Variants in SLC4A8 observed in about 807,000 individuals in gnomAD.
The protein encoded by SLC4A8 is solute carrier family 4 member 8.
SLC4A8 carries 40 observed loss-of-function variants against 125.0 expected under a neutral mutation model. That is an observed-to-expected ratio of 0.32 (90% CI 0.25 to 0.42). The LOEUF is 0.42. Among genes scored for constraint, SLC4A8 ranks in the 10% least tolerant of loss-of-function variants. The probability of loss-of-function intolerance (pLI) is 1.00; values close to 1 mark genes in which losing one functional copy is unlikely to be tolerated. For synonymous variants in SLC4A8, 456 were observed against 476.0 expected (o/e 0.96, Z 0.55); for missense variants, 863 against 1,355.1 (o/e 0.64, Z 5.70).
At chr12:51,394,822 TAC>T (rs1240655314) in intron 1 of SLC4A8, among the ~76,000 whole-genome samples, 1 of 152,188 alleles carries the variant, frequency 6.6e-6, no homozygotes, top group Non-Finnish European at 1.5e-5. Context: ...CCTGGACATG[TAC>T]TCCTGAACCT....
chr12:51,506,386 T>C (rs1023246515), intron 24 of SLC4A8, among the ~76,000 whole-genome samples: 10 of 152,150 alleles, frequency 6.6e-5, no homozygotes, highest in Admixed American at 5.2e-4. Flanking sequence ...TTTTGAAATA[T>C]TAAATTGTAA....
At chr12:51,401,423 T>C (rs1948389548) in intron 1 of SLC4A8, among the ~76,000 whole-genome samples, 1 of 152,200 alleles carries the variant, frequency 6.6e-6, no homozygotes, top group South Asian at 2.1e-4. Flanking sequence ...GGTTTTCCCC[T>C]GAGTTGGGCC....
intron 2 of SLC4A8, among the ~76,000 whole-genome samples, chr12:51,446,211 C>T (rs1178067947): frequency 6.6e-6 from 1 of 152,078 alleles, no homozygotes; most frequent in Non-Finnish European, 1.5e-5. Context: ...GTTCAGAGAT[C>T]TGCCTGTTAA....
chr12:51,416,211 GTTTTTTT>G (rs57565585), intron 1 of SLC4A8, among the ~76,000 whole-genome samples: 2 of 82,534 alleles, frequency 2.4e-5, no homozygotes, highest in Admixed American at 1.4e-4. Context: ...GAGGTCTTTT[GTTTTTTT>G]TTTTTTTTTT....
chr12:51,442,169 C>T (rs991684260), intron 2 of SLC4A8, among the ~76,000 whole-genome samples: 3 of 152,114 alleles, frequency 2.0e-5, no homozygotes, highest in Non-Finnish European at 1.5e-5. Context: ...GGGAGAGAAT[C>T]CTGCTCTTTT....
intron 1 of SLC4A8, 150 bp downstream of exon 1, chr12:51,425,185 C>T (rs1164372938): frequency 1.4e-6 from 2 of 1,423,176 alleles, no homozygotes; most frequent in African/African-American, 1.5e-5. Context: ...CCAGGGGGCG[C>T]TCCGGGCGGT....
chr12:51,398,945 C>T (rs920089074), intron 1 of SLC4A8, among the ~76,000 whole-genome samples: 10 of 152,272 alleles, frequency 6.6e-5, no homozygotes, highest in East Asian at 1.9e-4. Context: ...GATGGGGTTT[C>T]ACCATGTTGG....
intron 2 of SLC4A8, among the ~76,000 whole-genome samples, chr12:51,442,535 A>G (rs1250003917): frequency 6.6e-6 from 1 of 152,226 alleles, no homozygotes; most frequent in East Asian, 1.9e-4. Flanking sequence ...GCTTCTCCAG[A>G]TGACATCATC....
At chr12:51,400,924 T>G (rs1018961678) in intron 1 of SLC4A8, among the ~76,000 whole-genome samples, 2 of 150,340 alleles carry the variant, frequency 1.3e-5, no homozygotes, top group African/African-American at 4.9e-5. Flanking sequence ...TTGCCCAGGC[T>G]GGAGTGCAGT....
upstream of SLC4A8, chr12:51,424,702 G>A (rs1948897407): frequency 6.8e-6 from 3 of 440,332 alleles, no homozygotes; most frequent in Non-Finnish European, 1.2e-5. Context: ...CCGGGCCCGG[G>A]AGCGGTTGGC....
chr12:51,445,468 A>G (rs967008441), intron 2 of SLC4A8, among the ~76,000 whole-genome samples: 1 of 152,142 alleles, frequency 6.6e-6, no homozygotes, highest in Non-Finnish European at 1.5e-5. Context: ...GTGCCTGGCC[A>G]GAAGTGGTTG....
intron 2 of SLC4A8, among the ~76,000 whole-genome samples, chr12:51,448,168 A>G (rs1373150369): frequency 6.6e-6 from 1 of 152,224 alleles, no homozygotes; most frequent in East Asian, 1.9e-4. Context: ...CTGAATTCAT[A>G]TGGGTGAGCC....
At chr12:51,413,957 G>T (rs188044475) in intron 1 of SLC4A8, among the ~76,000 whole-genome samples, 4 of 152,204 alleles carry the variant, frequency 2.6e-5, no homozygotes, top group African/African-American at 9.6e-5. Context: ...TTTCTGTGAC[G>T]AATGTCTTTG....
In SLC4A8 at chr12:51,416,221, T is replaced by TTTTG. The variant is rs542672681; in HGVS notation, c.-111-24484_-111-24483insGTTT. Reference sequence around the variant, plus strand: ...TGATGGAGGTCTTTTGTTTTTTTTTTTTTTTTTTTTTGAGAATTTGTGTTT... The same window carrying TTTTG: ...TGATGGAGGTCTTTTGTTTTTTTTTTTTTGTTTTTTTTTTTGAGAATTTGTGTTT... On this transcript the variant is annotated intron_variant, in intron 1 of 24. Coordinates refer to the SLC4A8 transcript ENST00000358657. Among the ~76,000 whole-genome samples, 7 of 150,102 alleles carry TTTTG rather than the reference T, an allele frequency of 4.7e-5. 1 individual carries two copies. The highest frequency in any genetic ancestry group is 2.1e-4 in the South Asian group (1 of 4,778).
Position 51,488,661 on chromosome 12 carries a change from T to C in SLC4A8, c.2287-38T>C, listed in dbSNP as rs971837517. The C allele has an allele frequency of 2.6e-6, 4 of 1,559,794 alleles. No individual in the cohort carries two copies. In the African/African-American group the frequency reaches 5.4e-5, roughly 21 times the overall value. On this transcript the variant is annotated intron_variant, in intron 17 of 24. Transcript: ENST00000453097. ...TTGATATGTTTTACCCCAATGACTA[T>C]AACTTAAAATACAAAAATAATATAT...
At chr12:51,485,693 T>C in intron 16 of SLC4A8, 94 bp from the exon 17 acceptor site, 1 of 658,362 alleles carries the variant, frequency 1.5e-6, no homozygotes, top group Non-Finnish European at 2.7e-6. Flanking sequence ...GATGAAAACA[T>C]TCTTCTGAGG....
intron 22 of SLC4A8, among the ~76,000 whole-genome samples, chr12:51,499,093 A>C (rs1937721896): frequency 6.6e-6 from 1 of 151,990 alleles, no homozygotes; most frequent in African/African-American, 2.4e-5. Flanking sequence ...AGACAGGAGA[A>C]TCACTTGAAC....
intron 16 of SLC4A8, among the ~76,000 whole-genome samples, chr12:51,479,512 C>T (rs562734717): frequency 6.6e-6 from 1 of 151,968 alleles, no homozygotes; most frequent in East Asian, 1.9e-4. Context: ...CATGGTGAAA[C>T]CCCATCTCTA....
In SLC4A8 at chr12:51,411,685, G is replaced by T. The variant is rs1948600903; in HGVS notation, c.-112+20197G>T. On this transcript the variant is annotated intron_variant, in intron 1 of 24. Transcript: ENST00000358657. ...CATTTATTTTCATTTTCATATTTAT[G>T]TATGTAATTATTTAAAGCTGTAAAA... 2.0e-5 allele frequency among the ~76,000 whole-genome samples: 3 copies of T among 152,072 alleles called. No homozygotes were observed. In the South Asian group the frequency reaches 6.2e-4, roughly 32 times the overall value.
Sources: allele counts gnomAD v4.1 joint callset (sites outside exome capture counted in the v4.1 genomes callset), GRCh38; gene constraint gnomAD v4.1.1; transcripts MANE v1.5; gene names NCBI Gene and HGNC (gene_info 2026-07-23, HGNC 2026-07-21).